Variants in SFT2D1 observed in about 807,000 individuals in gnomAD.
SFT2D1 encodes vesicle transport protein SFT2A.
A neutral mutation model predicts 28.1 loss-of-function variants in SFT2D1; 24 were observed. That is an observed-to-expected ratio of 0.85 (90% CI 0.62 to 1.20). The LOEUF (loss-of-function observed/expected upper bound fraction) is 1.20, where lower values mean the gene tolerates loss of function less well. SFT2D1 is among the 50% of genes most tolerant of loss of function. The pLI, the probability that SFT2D1 is intolerant of heterozygous loss-of-function variation, is 0.00. For synonymous variants in SFT2D1, 82 were observed against 73.7 expected, an observed-to-expected ratio of 1.11 and a Z score of -0.58; for missense variants, 181 against 190.9, an observed-to-expected ratio of 0.95 and a Z score of 0.31.
At chr6:166,340,212 A>G (rs1156586074) in intron 1 of SFT2D1, among the ~76,000 whole-genome samples, 1 of 152,198 alleles carries the variant, frequency 6.6e-6, no homozygotes, top group South Asian at 2.1e-4. Context: ...TTTGAGCCAC[A>G]GTCATCTCTT....
At chr6:166,328,413 G>T (rs753487564) in intron 3 of SFT2D1, 56 bp from the exon 4 acceptor site, 34 of 1,025,784 alleles carry the variant, frequency 3.3e-5, no homozygotes, top group Non-Finnish European at 4.7e-5. Flanking sequence ...ATCTGGTTAT[G>T]CAAAAATAAA....
chr6:166,327,503 A>T (rs1778469802), intron 4 of SFT2D1, among the ~76,000 whole-genome samples: 1 of 152,196 alleles, frequency 6.6e-6, no homozygotes, highest in African/African-American at 2.4e-5. Context: ...CTGTTACGGG[A>T]GCCATATTGT....
At position 166,342,472 on chromosome 6, in the gene SFT2D1, G is replaced by T. The variant is rs561810181; in HGVS notation, c.10C>A (p.Leu4Met). 5.5e-5 allele frequency: 85 copies of T among 1,554,616 alleles called. No individual in the cohort carries two copies. The highest frequency in any genetic ancestry group is 3.3e-4 in the Middle Eastern group (2 of 5,996). MEK[L>M]RRVLSGQDDE... ...TCCTGGCCGCTCAGGACTCGCCGCA[G>T]CTTCTCCATGGCCCTGTTACAGGGC... Residue 4 changes from leucine (L) to methionine (M), a missense_variant, in exon 1 of 8, where the codon CTG (leucine) becomes ATG (methionine). Transcript: ENST00000361731.
In SFT2D1 at chr6:166,320,270, G is replaced by C; in HGVS notation, c.441-14C>G. ...ATAACTGCATCCCTGGTGGAAAAGA[G>C]AGGGAAAAAAACAGAATATAATATT... On this transcript the variant is annotated splice_polypyrimidine_tract_variant and intron_variant, in intron 7 of 7. Coordinates refer to ENST00000361731, the MANE Select transcript of SFT2D1 (RefSeq NM_145169.3). The C allele has an allele frequency of 6.2e-7, 1 of 1,606,856 alleles. No individual in the cohort carries two copies. The highest frequency in any genetic ancestry group is 8.5e-7 in the Non-Finnish European group (1 of 1,177,052).
chr6:166,338,289 C>G (rs1290074007), intron 1 of SFT2D1, among the ~76,000 whole-genome samples: 1 of 152,150 alleles, frequency 6.6e-6, no homozygotes, highest in Non-Finnish European at 1.5e-5. Flanking sequence ...TTGGTAGTTA[C>G]CCAAATCCAA....
intron 1 of SFT2D1, among the ~76,000 whole-genome samples, chr6:166,330,897 G>A (rs886807031): frequency 3.9e-5 from 6 of 152,220 alleles, no homozygotes; most frequent in Non-Finnish European, 5.9e-5. Flanking sequence ...CAGCAGAGAC[G>A]ATCACAGCAC....
chr6:166,336,981 G>C (rs1012204258), intron 1 of SFT2D1, among the ~76,000 whole-genome samples: 1 of 152,176 alleles, frequency 6.6e-6, no homozygotes, highest in South Asian at 2.1e-4. Context: ...AATTCTGGGG[G>C]GGACACAGAC....
chr6:166,329,537 TA>T lies in SFT2D1; in HGVS notation c.202del (p.Tyr68IlefsTer9). ...PGGIKLFAVF[Y>X]TLGNLAALAS... ...TAACGCAGCAAGATTGCCGAGGGTA[TA>T]AAACACTGCAAAAAGCTTTATGCCG... On this transcript the variant is annotated frameshift_variant, in exon 3 of 8. Coordinates refer to ENST00000361731, the MANE Select transcript of SFT2D1 (RefSeq NM_145169.3). LOFTEE classifies it high-confidence loss of function. 6.2e-7 allele frequency: 1 copy of T among 1,611,458 alleles called. No individual in the cohort carries two copies. Among genetic ancestry groups the T allele is most frequent in the Non-Finnish European group, 8.5e-7 (1 of 1,178,096 alleles).
intron 4 of SFT2D1, among the ~76,000 whole-genome samples, chr6:166,327,722 C>T (rs183130221): frequency 7.9e-5 from 12 of 152,234 alleles, no homozygotes; most frequent in East Asian, 3.9e-4. Flanking sequence ...ATGCCATATA[C>T]GCAGCAGAAG....
chr6:166,328,365 A>G lies in SFT2D1; in HGVS notation c.234-8T>C. 1 of 1,537,174 alleles carries G rather than the reference A, an allele frequency of 6.5e-7. No homozygotes were observed. Among genetic ancestry groups the G allele is most frequent in the Non-Finnish European group, 8.8e-7 (1 of 1,134,512 alleles). On this transcript the variant is annotated splice_region_variant and splice_polypyrimidine_tract_variant and intron_variant, in intron 3 of 7. Transcript: ENST00000361731. Reference sequence around the variant, plus strand: ...CCCATTAAAAAGCATGTACTATTTGAAACAAATAAAGTGACTGAGGTACAG... The same window carrying G: ...CCCATTAAAAAGCATGTACTATTTGGAACAAATAAAGTGACTGAGGTACAG...
chr6:166,335,572 T>C, intron 1 of SFT2D1: 2 of 388,642 alleles, frequency 5.1e-6, no homozygotes, highest in Non-Finnish European at 4.9e-6. Context: ...ATGCCTGAGG[T>C]TGCACTTTTT....
At position 166,341,393 on chromosome 6, in the gene SFT2D1, G is replaced by A. The variant is rs543674710; in HGVS notation, c.63+1026C>T. ...GAACCCGGGAGGCAGAGGTTGCAGCGAGTCGAGATCACGCCACTGCACTCC... is the reference window on the plus strand; with the variant it reads ...GAACCCGGGAGGCAGAGGTTGCAGCAAGTCGAGATCACGCCACTGCACTCC... On this transcript the variant is annotated intron_variant, in intron 1 of 7. Coordinates refer to ENST00000361731, the MANE Select transcript of SFT2D1 (RefSeq NM_145169.3). Among the ~76,000 whole-genome samples, 15 of 149,970 alleles carry A rather than the reference G, an allele frequency of 1.0e-4. No homozygotes were observed. In the South Asian group the frequency reaches 2.3e-3, roughly 23 times the overall value.
In SFT2D1 at chr6:166,320,019, C is replaced by A; in HGVS notation, c.*198G>T. 3.7e-6 allele frequency: 2 copies of A among 539,132 alleles called. No homozygotes were observed. Among genetic ancestry groups the A allele is most frequent in the Non-Finnish European group, 6.5e-6 (2 of 305,904 alleles). 33.4% of individuals were successfully genotyped at this position (539,132 alleles called of 1,614,324 possible). On this transcript the variant is annotated 3_prime_UTR_variant, in exon 8 of 8. Transcript: ENST00000361731. ...TCTTTGGAAAAGTATATTAATGACA[C>A]ATAATGAATTTAAAGTTACAAGCAT...
At chr6:166,339,841 T>C (rs1240657039) in intron 1 of SFT2D1, among the ~76,000 whole-genome samples, 2 of 152,162 alleles carry the variant, frequency 1.3e-5, no homozygotes, top group Admixed American at 1.3e-4. Flanking sequence ...AGGTCAAACC[T>C]TGGACCTCAT....
At chr6:166,320,358 G>A in intron 7 of SFT2D1, 102 bp from the exon 8 acceptor site, 1 of 845,104 alleles carries the variant, frequency 1.2e-6, no homozygotes, top group Admixed American at 2.4e-5. Context: ...GAACTCAATG[G>A]ATGCTCCAAC....
chr6:166,328,399 A>ATT, intron 3 of SFT2D1, 42 bp from the exon 4 acceptor site: 1 of 1,162,534 alleles, frequency 8.6e-7, no homozygotes, highest in Non-Finnish European at 1.2e-6. Context: ...AGGTCTACTA[A>ATT]TTTATCTGGT....
chr6:166,321,046 G>T (rs1029261482), intron 7 of SFT2D1, among the ~76,000 whole-genome samples: 19 of 152,106 alleles, frequency 1.2e-4, no homozygotes, highest in African/African-American at 3.9e-4. Context: ...GGGAGGTGGA[G>T]GTTGCAGTGA....
chr6:166,340,094 G>A (rs1010362220), intron 1 of SFT2D1, among the ~76,000 whole-genome samples: 2 of 152,186 alleles, frequency 1.3e-5, no homozygotes, highest in South Asian at 2.1e-4. Context: ...CATCCAATCC[G>A]TCAACAGTGT....
intron 4 of SFT2D1, among the ~76,000 whole-genome samples, chr6:166,326,826 G>A (rs572231941): frequency 6.6e-6 from 1 of 152,236 alleles, no homozygotes; most frequent in Non-Finnish European, 1.5e-5. Context: ...GTAAGGTACA[G>A]TATGTTACTA....
Sources: allele counts gnomAD v4.1 joint callset (sites outside exome capture counted in the v4.1 genomes callset), GRCh38; gene constraint gnomAD v4.1.1; transcripts MANE v1.5; gene names NCBI Gene and HGNC (gene_info 2026-07-23, HGNC 2026-07-21).